The following COMMD1 variants were observed in gnomAD, a reference collection of about 807,000 sequenced individuals.
The protein encoded by COMMD1 is copper metabolism domain containing 1.
A neutral mutation model predicts 17.2 loss-of-function variants in COMMD1; 10 were observed. The observed-to-expected ratio is 0.58, with a 90% CI of 0.36 to 0.99. The LOEUF (loss-of-function observed/expected upper bound fraction) is 0.99. Among genes scored for constraint, COMMD1 ranks in the 50% least tolerant of loss-of-function variants. The pLI is 0.01. For missense variants in COMMD1, 270 were observed against 231.8 expected (o/e 1.17, Z -1.07); for synonymous variants, 97 against 91.6 (o/e 1.06, Z -0.34).
rs150041695 is a variant in COMMD1, at chr2:62,046,438, T to A, written c.462+45456T>A. Reference sequence around the variant, plus strand: ...GTGACTAGTCAAACAAAAGAGTTCATGAAATCATGACTTGAGATGGGTAGA... The same window carrying A: ...GTGACTAGTCAAACAAAAGAGTTCAAGAAATCATGACTTGAGATGGGTAGA... On this transcript the variant is annotated intron_variant, in intron 2 of 2. Coordinates refer to ENST00000311832, the MANE Select transcript of COMMD1 (RefSeq NM_152516.4). Among the ~76,000 whole-genome samples, 15 of 152,338 alleles carry A rather than the reference T, an allele frequency of 9.8e-5. No homozygotes were observed. The East Asian group carries it at 2.7e-3, about 27-fold the overall frequency.
At chr2:62,101,961 C>G (rs1428842385) in intron 2 of COMMD1, among the ~76,000 whole-genome samples, 1 of 152,022 alleles carries the variant, frequency 6.6e-6, no homozygotes, top group African/African-American at 2.4e-5. Flanking sequence ...TGAAGGTCAG[C>G]CTATAGTACT....
At chr2:62,001,621 G>A (rs923444961) in intron 2 of COMMD1, among the ~76,000 whole-genome samples, 6 of 151,894 alleles carry the variant, frequency 4.0e-5, no homozygotes, top group African/African-American at 1.5e-4. Context: ...TCTGGCTTAT[G>A]TCTTTGGGGA....
intron 1 of COMMD1, among the ~76,000 whole-genome samples, chr2:61,889,460 C>G (rs1330204582): frequency 6.6e-6 from 1 of 152,130 alleles, no homozygotes; most frequent in East Asian, 1.9e-4. Context: ...GTCCACCCTC[C>G]TCAGCGTTTC....
chr2:62,107,064 G>A (rs2104034271), intron 2 of COMMD1, among the ~76,000 whole-genome samples: 1 of 152,180 alleles, frequency 6.6e-6, no homozygotes, highest in African/African-American at 2.4e-5. Flanking sequence ...GCCATACTGA[G>A]TATTACCACC....
intron 2 of COMMD1, among the ~76,000 whole-genome samples, chr2:62,097,503 T>C (rs1265981550): frequency 6.6e-6 from 1 of 152,138 alleles, no homozygotes; most frequent in Non-Finnish European, 1.5e-5. Flanking sequence ...ACAAGCATAA[T>C]GTACATGTGG....
intron 1 of COMMD1, among the ~76,000 whole-genome samples, chr2:61,944,278 C>G (rs1276585613): frequency 6.6e-6 from 1 of 151,874 alleles, no homozygotes; most frequent in East Asian, 1.9e-4. Context: ...ATAGCAAGAC[C>G]CTGTCTCTAC....
intron 2 of COMMD1, among the ~76,000 whole-genome samples, chr2:62,058,387 C>T (rs578225019): frequency 2.4e-4 from 37 of 152,236 alleles, no homozygotes; most frequent in African/African-American, 7.2e-5. Flanking sequence ...AAATTTTCTT[C>T]GTTTTGTTTT....
intron 1 of COMMD1, among the ~76,000 whole-genome samples, chr2:61,932,835 G>A (rs912740937): frequency 3.9e-5 from 6 of 152,182 alleles, no homozygotes; most frequent in Non-Finnish European, 5.9e-5. Context: ...TAGGTTCTGT[G>A]TGGACCCCGT....
At chr2:61,932,645 A>G (rs1572975509) in intron 1 of COMMD1, among the ~76,000 whole-genome samples, 1 of 152,284 alleles carries the variant, frequency 6.6e-6, no homozygotes, top group East Asian at 1.9e-4. Flanking sequence ...AGGATTAGAA[A>G]AGGTCATGGT....
At position 62,114,984 on chromosome 2, in the gene COMMD1, T is replaced by C. The variant is rs558165889; in HGVS notation, c.463-20847T>C. ...TTCCCTTTGGGAAAGTAAATAGAGA[T>C]AGTGCTTAACTGGCCAACATTTTTT... On this transcript the variant is annotated intron_variant, in intron 2 of 2. Coordinates refer to ENST00000311832, the MANE Select transcript of COMMD1 (RefSeq NM_152516.4). 1.3e-5 allele frequency among the ~76,000 whole-genome samples: 2 copies of C among 152,300 alleles called. 1 individual carries two copies. Among genetic ancestry groups the C allele is most frequent in the Admixed American group, 1.3e-4 (2 of 15,298 alleles).
intron 1 of COMMD1, 146 bp from the exon 2 acceptor site, chr2:62,000,555 G>C (rs754010713): frequency 3.3e-5 from 26 of 794,828 alleles, no homozygotes; most frequent in Non-Finnish European, 5.1e-5. Flanking sequence ...GCCTCCCAAA[G>C]TGCTGAGATT....
Position 62,019,059 on chromosome 2 carries a change from T to G in COMMD1, c.462+18077T>G, listed in dbSNP as rs1214637072. Reference sequence around the variant, plus strand: ...CCTCCCTCCCTCCTTCCTTCCTTTCTTTCTCTCTCTCTTTCTCTCTCTCTT... The same window carrying G: ...CCTCCCTCCCTCCTTCCTTCCTTTCGTTCTCTCTCTCTTTCTCTCTCTCTT... On this transcript the variant is annotated intron_variant, in intron 2 of 2. Transcript: ENST00000311832. Among the ~76,000 whole-genome samples the G allele has an allele frequency of 5.1e-4, 51 of 100,826 alleles. 1 individual carries two copies. The highest frequency in any genetic ancestry group is 8.1e-4 in the Admixed American group (8 of 9,898). The allele number at this position is 100,826 out of a possible 152,430, so 66.1% of individuals were successfully genotyped here. A position where few individuals can be genotyped will look rare whatever the true frequency, so the allele number is the denominator to read the frequency against.
At chr2:62,089,893 G>A (rs780780505) in intron 2 of COMMD1, among the ~76,000 whole-genome samples, 2 of 152,092 alleles carry the variant, frequency 1.3e-5, no homozygotes, top group Non-Finnish European at 2.9e-5. Context: ...GCGCTAAGAA[G>A]GCTCATTCCT....
At chr2:62,015,612 G>T (rs1266334253) in intron 2 of COMMD1, among the ~76,000 whole-genome samples, 3 of 151,174 alleles carry the variant, frequency 2.0e-5, no homozygotes, top group Non-Finnish European at 4.4e-5. Context: ...ATTTTCTACA[G>T]CAGTTGCTCA....
At chr2:61,915,867 G>A (rs1476785215) in intron 1 of COMMD1, 2 of 257,690 alleles carry the variant, frequency 7.8e-6, no homozygotes, top group African/African-American at 2.3e-5. Context: ...TAGAGATGGG[G>A]TCTTATGTTG....
chr2:62,059,698 G>T (rs1670805302), intron 2 of COMMD1, among the ~76,000 whole-genome samples: 1 of 152,190 alleles, frequency 6.6e-6, no homozygotes. Flanking sequence ...CACCCCAGTA[G>T]CTAGGACTAT....
At chr2:62,120,739 T>G (rs1179982728) in intron 2 of COMMD1, among the ~76,000 whole-genome samples, 3 of 152,124 alleles carry the variant, frequency 2.0e-5, no homozygotes, top group Non-Finnish European at 4.4e-5. Flanking sequence ...CTTTCTTTTT[T>G]TTTAGAGATG....
intron 2 of COMMD1, among the ~76,000 whole-genome samples, chr2:62,041,699 A>C (rs1427264744): frequency 6.6e-6 from 1 of 152,184 alleles, no homozygotes; most frequent in Non-Finnish European, 1.5e-5. Flanking sequence ...CGCTGACTTC[A>C]AGAATGAAGC....
At chr2:61,942,752 G>T (rs947761855) in intron 1 of COMMD1, among the ~76,000 whole-genome samples, 16 of 149,034 alleles carry the variant, frequency 1.1e-4, no homozygotes, top group African/African-American at 3.5e-4. Context: ...TGGCCAGGCT[G>T]GTCTTGAACT....
Sources: gnomAD v4.1 joint callset for allele counts (sites outside exome capture counted in the v4.1 genomes callset) on GRCh38, gnomAD v4.1.1 for gene constraint, MANE v1.5 for transcripts, NCBI Gene and HGNC (gene_info 2026-07-23, HGNC 2026-07-21) for gene names.